Variants in FYTTD1 observed in about 807,000 individuals in gnomAD.
FYTTD1 encodes UAP56-interacting factor.
Under a neutral mutation model 40.9 loss-of-function variants are expected in FYTTD1, and 22 were observed. That is an observed-to-expected ratio of 0.54 (90% CI 0.38 to 0.77). The LOEUF (loss-of-function observed/expected upper bound fraction) is 0.77. FYTTD1 is among the 30% of genes least tolerant of loss of function. The probability of loss-of-function intolerance (pLI) is 0.00; values close to 1 mark genes in which losing one functional copy is unlikely to be tolerated. For synonymous variants in FYTTD1, 140 were observed against 137.9 expected (o/e 1.01, Z -0.10); for missense variants, 351 against 392.2 (o/e 0.90, Z 0.89).
chr3:197,774,405 C>T (rs752989460), intron 6 of FYTTD1, among the ~76,000 whole-genome samples, 195 bp downstream of exon 6: 51 of 152,202 alleles, frequency 3.4e-4, no homozygotes, highest in Non-Finnish European at 6.9e-4. Context: ...ATTGATGGAG[C>T]CCAAGAGTTC....
chr3:197,783,863 A>G lies in FYTTD1; in HGVS notation c.*1954A>G, dbSNP rs1050440396. On this transcript the variant is annotated 3_prime_UTR_variant, in exon 9 of 9. Coordinates refer to ENST00000241502, the MANE Select transcript of FYTTD1 (RefSeq NM_032288.7). ...TGGGAAAACTTTAAAAATTGCCCCAAATACTGACATTGAGTGCATTAAATA... is the reference window on the plus strand; with the variant it reads ...TGGGAAAACTTTAAAAATTGCCCCAGATACTGACATTGAGTGCATTAAATA... 1.3e-5 allele frequency: 2 copies of G among 152,742 alleles called. No homozygotes were observed. Among genetic ancestry groups the G allele is most frequent in the Non-Finnish European group, 2.9e-5 (2 of 68,020 alleles). The allele number at this position is 152,742 out of a possible 1,614,324, so 9.5% of individuals were successfully genotyped here.
Position 197,782,134 on chromosome 3 carries a change from G to A in FYTTD1, c.*225G>A. 1 of 321,382 alleles carries A rather than the reference G, an allele frequency of 3.1e-6. No homozygotes were observed. 19.9% of individuals were successfully genotyped at this position (321,382 alleles called of 1,614,324 possible). ...TCTGTTCTTAAAGATTTCATGGTTGGCTCAGACAGAACAATCATCTGTTTG... is the reference window on the plus strand; with the variant it reads ...TCTGTTCTTAAAGATTTCATGGTTGACTCAGACAGAACAATCATCTGTTTG... On this transcript the variant is annotated 3_prime_UTR_variant, in exon 9 of 9. Transcript: ENST00000241502.
intron 3 of FYTTD1, 119 bp downstream of exon 3, chr3:197,768,706 T>A: frequency 1.4e-6 from 1 of 690,704 alleles, no homozygotes; most frequent in Non-Finnish European, 2.2e-6. Context: ...GGGACTGATA[T>A]AAAAAAATTT....
At chr3:197,750,531 C>T (rs1728985532) in intron 1 of FYTTD1, 1 of 984,526 alleles carries the variant, frequency 1.0e-6, no homozygotes, top group Non-Finnish European at 1.2e-6. Context: ...AGAGCCCGGC[C>T]GGGGCTGCGG....
intron 6 of FYTTD1, among the ~76,000 whole-genome samples, chr3:197,774,877 C>T (rs1729831354): frequency 2.0e-5 from 3 of 152,230 alleles, no homozygotes; most frequent in East Asian, 1.9e-4. Context: ...CAGCATAGCT[C>T]GGGCTATGGA....
intron 1 of FYTTD1, chr3:197,755,572 A>G: frequency 5.2e-6 from 1 of 193,282 alleles, no homozygotes; most frequent in Non-Finnish European, 1.0e-5. Flanking sequence ...CAGCCTCCCG[A>G]GTAGCTGGGA....
In FYTTD1 at chr3:197,751,542, T is replaced by G. The variant is rs533045469; in HGVS notation, c.103+1468T>G. On this transcript the variant is annotated intron_variant, in intron 1 of 8. Transcript: ENST00000241502. ...CGCGCCTGTAATCCCAGCTAAGACATGAGAATAGCTGGAACCCGCGGGCGG... is the reference window on the plus strand; with the variant it reads ...CGCGCCTGTAATCCCAGCTAAGACAGGAGAATAGCTGGAACCCGCGGGCGG... Among the ~76,000 whole-genome samples, 34 of 151,860 alleles carry G rather than the reference T, an allele frequency of 2.2e-4. No homozygotes were observed. In the South Asian group the frequency reaches 6.9e-3, roughly 31 times the overall value.
chr3:197,763,517 T>A, intron 2 of FYTTD1: 1 of 451,644 alleles, frequency 2.2e-6, no homozygotes, highest in Non-Finnish European at 4.4e-6. Flanking sequence ...AGGTTCGTGC[T>A]TGTAATCCCA....
At chr3:197,757,355 A>AT (rs1729241839) in intron 2 of FYTTD1, among the ~76,000 whole-genome samples, 1 of 152,202 alleles carries the variant, frequency 6.6e-6, no homozygotes, top group African/African-American at 2.4e-5. Context: ...TCTTTTTCAG[A>AT]TATGTAAAAA....
chr3:197,750,196 G>C, intron 1 of FYTTD1, 122 bp downstream of exon 1: 1 of 873,106 alleles, frequency 1.1e-6, no homozygotes, highest in African/African-American at 1.8e-5. Context: ...TCGCTGGTGG[G>C]CGGACCCGAG....
At chr3:197,752,618 C>T (rs574123949) in intron 1 of FYTTD1, among the ~76,000 whole-genome samples, 1 of 151,486 alleles carries the variant, frequency 6.6e-6, no homozygotes, top group African/African-American at 2.4e-5. Flanking sequence ...GTATGTATGT[C>T]TATGGCTTGG....
chr3:197,760,888 G>A (rs1405343355), intron 2 of FYTTD1, among the ~76,000 whole-genome samples: 1 of 148,246 alleles, frequency 6.7e-6, no homozygotes, highest in African/African-American at 2.6e-5. Flanking sequence ...GTGGTAGAAT[G>A]TATAGAGTTG....
In FYTTD1 at chr3:197,756,485, A is replaced by G. The variant is rs746572024; in HGVS notation, c.163A>G (p.Arg55Gly). 6.2e-7 allele frequency: 1 copy of G among 1,611,626 alleles called. No individual in the cohort carries two copies. The highest frequency in any genetic ancestry group is 1.7e-5 in the Admixed American group (1 of 60,024). The stretch of plus-strand genomic sequence containing the variant: ...GAAGCAGAATTTTCCAAGACTAAAT[A>G]GAAGACTCCTCCAGCAAAGTGGTGC... ...GKKQNFPRLNRRLLQQSGAQQ... is the reference protein window; with the variant it reads ...GKKQNFPRLNGRLLQQSGAQQ... The change falls in exon 2 of 9, where the codon AGA becomes GGA. Residue 55 changes from arginine to glycine, a missense_variant. Physicochemically the swap from Arg to Gly is moderately radical, Grantham distance 125. Coordinates refer to ENST00000241502, the MANE Select transcript of FYTTD1 (RefSeq NM_032288.7).
chr3:197,750,768 A>G (rs1030908002), intron 1 of FYTTD1: 31 of 985,400 alleles, frequency 3.1e-5, no homozygotes, highest in Non-Finnish European at 3.5e-5. Context: ...CTAATGGGGG[A>G]GAAAGCAAAC....
chr3:197,771,338 C>CA (rs912462060), intron 4 of FYTTD1, among the ~76,000 whole-genome samples: 3 of 151,708 alleles, frequency 2.0e-5, no homozygotes, highest in Admixed American at 6.6e-5. Flanking sequence ...GATAAGTCAG[C>CA]AAAAAAAACC....
intron 2 of FYTTD1, among the ~76,000 whole-genome samples, 155 bp downstream of exon 2, chr3:197,756,712 T>C (rs1483985722): frequency 6.6e-6 from 1 of 152,238 alleles, no homozygotes; most frequent in East Asian, 1.9e-4. Flanking sequence ...TAAAACCTGG[T>C]AAAAATTTCA....
In FYTTD1 at chr3:197,773,506, A is replaced by G. The variant is rs769894137; in HGVS notation, c.594+7A>G. ...TTTCAGAAGAGGCCTGAAGGTATTT[A>G]AAAACTTTGGCAGTGTTTTTGTTTG... On this transcript the variant is annotated splice_region_variant and intron_variant, in intron 5 of 8. Transcript: ENST00000241502. 10 of 1,514,326 alleles carry G rather than the reference A, an allele frequency of 6.6e-6. No homozygotes were observed. The highest frequency in any genetic ancestry group is 9.0e-6 in the Non-Finnish European group (10 of 1,106,862). The allele number at this position is 1,514,326 out of a possible 1,614,324, so 93.8% of individuals were successfully genotyped here.
intron 6 of FYTTD1, 73 bp downstream of exon 6, chr3:197,774,283 C>T (rs569685873): frequency 1.6e-6 from 2 of 1,225,854 alleles, no homozygotes; most frequent in Admixed American, 1.8e-5. Flanking sequence ...TTATCATGTA[C>T]CTCAGTCCAG....
intron 2 of FYTTD1, among the ~76,000 whole-genome samples, chr3:197,766,642 C>G (rs952940131): frequency 5.3e-5 from 8 of 151,912 alleles, no homozygotes; most frequent in Non-Finnish European, 1.2e-4. Context: ...GGGGTGTCGC[C>G]ATGTTGCCCA....
Sources: gnomAD v4.1 joint callset for allele counts (sites outside exome capture counted in the v4.1 genomes callset) on GRCh38, gnomAD v4.1.1 for gene constraint, MANE v1.5 for transcripts, NCBI Gene and HGNC (gene_info 2026-07-23, HGNC 2026-07-21) for gene names.